The following ANKRD17 variants were observed in gnomAD, a reference collection of about 807,000 sequenced individuals.
ANKRD17 encodes the protein ankyrin repeat domain 17, also known as ankyrin repeat domain-containing protein 17.
ANKRD17 carries 19 observed loss-of-function variants against 229.7 expected under a neutral mutation model. The observed-to-expected ratio is 0.08, with a 90% CI of 0.06 to 0.12. ANKRD17 has a LOEUF of 0.12. Among genes scored for constraint, ANKRD17 ranks in the 10% least tolerant of loss-of-function variants. ANKRD17 has a pLI of 1.00. For synonymous variants in ANKRD17, 1,112 were observed against 1,146.1 expected (o/e 0.97, Z 0.60); for missense variants, 2,176 against 3,176.8 (o/e 0.68, Z 7.57).
rs777698246 is a variant in ANKRD17 at position 73,113,333 on chromosome 4, G to T, written c.4401+459C>A. 4.7e-6 allele frequency: 6 copies of T among 1,289,370 alleles called. No homozygotes were observed. In the South Asian group the frequency reaches 6.2e-5, roughly 13 times the overall value. 79.9% of individuals were successfully genotyped at this position (1,289,370 alleles called of 1,614,324 possible). A position where few individuals can be genotyped will look rare whatever the true frequency, so the allele number is the denominator to read the frequency against. On this transcript the variant is annotated intron_variant, in intron 24 of 33. Transcript: ENST00000358602. Reference sequence around the variant, plus strand: ...CTGCCTGAAAGAGAAAAGTACAAGAGAAGTCACCCATTTAAAAAGTGTACT... The same window carrying T: ...CTGCCTGAAAGAGAAAAGTACAAGATAAGTCACCCATTTAAAAAGTGTACT...
chr4:73,166,266 G>C (rs548685523), intron 2 of ANKRD17, among the ~76,000 whole-genome samples: 45 of 152,292 alleles, frequency 3.0e-4, no homozygotes, highest in African/African-American at 9.1e-4. Flanking sequence ...CCAAAGTATT[G>C]AAAATGAGAC....
chr4:73,198,606 A>T (rs1187649994), intron 1 of ANKRD17, among the ~76,000 whole-genome samples: 1 of 152,202 alleles, frequency 6.6e-6, no homozygotes, highest in Non-Finnish European at 1.5e-5. Flanking sequence ...CAACATTACT[A>T]TTTCAAGAAT....
intron 11 of ANKRD17, among the ~76,000 whole-genome samples, chr4:73,143,678 G>A (rs979785717): frequency 4.6e-5 from 7 of 152,148 alleles, no homozygotes; most frequent in Non-Finnish European, 7.4e-5. Flanking sequence ...TTGAGATTTC[G>A]TTACTATTAT....
intron 1 of ANKRD17, among the ~76,000 whole-genome samples, chr4:73,252,126 A>T (rs111584522): frequency 1.5e-4 from 23 of 152,238 alleles, no homozygotes; most frequent in African/African-American, 5.5e-4. Flanking sequence ...TACTACAGAG[A>T]TGGGACTTCA....
intron 1 of ANKRD17, among the ~76,000 whole-genome samples, chr4:73,229,247 C>T (rs1578469675): frequency 6.6e-6 from 1 of 152,008 alleles, no homozygotes; most frequent in African/African-American, 2.4e-5. Context: ...CAAACCTGCA[C>T]GTTGTGCACA....
chr4:73,171,352 G>A lies in ANKRD17; in HGVS notation c.547+6028C>T, dbSNP rs549849503. Among the ~76,000 whole-genome samples, 86 of 152,262 alleles carry A rather than the reference G, an allele frequency of 5.6e-4. 1 individual carries two copies. The South Asian group carries it at 0.016, about 29-fold the overall frequency. ...CTATGAATCCATAAAAAATCATAGC[G>A]ATACTGGGATTGGGGTGCACCCCAA... On this transcript the variant is annotated intron_variant, in intron 2 of 33. Transcript: ENST00000358602.
Position 73,258,742 on chromosome 4 carries a change from G to T in ANKRD17, c.-74C>A. On this transcript the variant is annotated 5_prime_UTR_variant, in exon 1 of 34. Transcript: ENST00000358602. Reference sequence around the variant, plus strand: ...GCTCTACCGCGACTTCGGCCGCACTGGGGCCGACACAGCAATCGGTGCCGC... The same window carrying T: ...GCTCTACCGCGACTTCGGCCGCACTTGGGCCGACACAGCAATCGGTGCCGC... 7.3e-7 allele frequency: 1 copy of T among 1,377,236 alleles called. No homozygotes were observed. Among genetic ancestry groups the T allele is most frequent in the Non-Finnish European group, 9.3e-7 (1 of 1,074,888 alleles). The allele number at this position is 1,377,236 out of a possible 1,614,324, so 85.3% of individuals were successfully genotyped here. A position where few individuals can be genotyped will look rare whatever the true frequency, so the allele number is the denominator to read the frequency against.
chr4:73,182,732 T>A (rs1735744994), intron 1 of ANKRD17, among the ~76,000 whole-genome samples: 1 of 152,206 alleles, frequency 6.6e-6, no homozygotes, highest in Non-Finnish European at 1.5e-5. Context: ...TAACTTCCAG[T>A]ACATGAAAAT....
intron 2 of ANKRD17, among the ~76,000 whole-genome samples, chr4:73,165,535 G>A (rs1473110046): frequency 1.3e-5 from 2 of 152,170 alleles, no homozygotes; most frequent in Non-Finnish European, 2.9e-5. Context: ...TGGCAGGTGT[G>A]TGTCTAATAA....
intron 2 of ANKRD17, among the ~76,000 whole-genome samples, chr4:73,172,519 C>T (rs555245514): frequency 6.6e-6 from 1 of 152,156 alleles, no homozygotes; most frequent in Non-Finnish European, 1.5e-5. Context: ...AATATTATAA[C>T]ACTGTACCTG....
At chr4:73,116,455 T>G (rs1355952871) in intron 22 of ANKRD17, among the ~76,000 whole-genome samples, 1 of 152,184 alleles carries the variant, frequency 6.6e-6, no homozygotes, top group Non-Finnish European at 1.5e-5. Context: ...TCTTTAGACT[T>G]GCCCTTTCCT....
intron 1 of ANKRD17, among the ~76,000 whole-genome samples, chr4:73,224,698 T>C (rs1297696653): frequency 6.6e-6 from 1 of 152,216 alleles, no homozygotes; most frequent in Admixed American, 6.5e-5. Flanking sequence ...TTCACAGTAA[T>C]CCTAAAACAT....
At chr4:73,085,582 C>T in intron 29 of ANKRD17, 136 bp from the exon 30 acceptor site, 1 of 774,640 alleles carries the variant, frequency 1.3e-6, no homozygotes, top group Non-Finnish European at 2.0e-6. Flanking sequence ...GGAGTGGTGG[C>T]CCACATCTGT....
chr4:73,177,679 C>A, intron 1 of ANKRD17, 146 bp from the exon 2 acceptor site: 1 of 586,510 alleles, frequency 1.7e-6, no homozygotes, highest in South Asian at 2.7e-5. Context: ...CTAAAAAGTT[C>A]AACATGACAT....
At chr4:73,182,361 T>G (rs1252237000) in intron 1 of ANKRD17, among the ~76,000 whole-genome samples, 2 of 152,128 alleles carry the variant, frequency 1.3e-5, no homozygotes, top group Non-Finnish European at 2.9e-5. Context: ...CAGGTTCAAT[T>G]CAGTGTTTAC....
chr4:73,200,530 TC>T (rs1482860063), intron 1 of ANKRD17, among the ~76,000 whole-genome samples: 1 of 151,948 alleles, frequency 6.6e-6, no homozygotes, highest in African/African-American at 2.4e-5. Context: ...TTTTTATAGC[TC>T]CCCAGGTGAT....
At chr4:73,119,383 G>C (rs1250929347) in intron 21 of ANKRD17, among the ~76,000 whole-genome samples, 2 of 152,210 alleles carry the variant, frequency 1.3e-5, no homozygotes, top group East Asian at 3.9e-4. Flanking sequence ...TATACAATTT[G>C]ACCATCCCTA....
intron 3 of ANKRD17, among the ~76,000 whole-genome samples, chr4:73,160,899 CAT>C (rs1242632908): frequency 6.6e-6 from 1 of 152,178 alleles, no homozygotes; most frequent in East Asian, 1.9e-4. Context: ...TCTTTTATAA[CAT>C]ATTGACTAGG....
At chr4:73,236,520 T>C (rs186595723) in intron 1 of ANKRD17, among the ~76,000 whole-genome samples, 8 of 152,242 alleles carry the variant, frequency 5.3e-5, no homozygotes, top group Non-Finnish European at 1.2e-4. Context: ...CCTCAAAAAC[T>C]CTATATCCCA....
Sources: allele counts gnomAD v4.1 joint callset (sites outside exome capture counted in the v4.1 genomes callset), GRCh38; gene constraint gnomAD v4.1.1; transcripts MANE v1.5; gene names NCBI Gene and HGNC (gene_info 2026-07-23, HGNC 2026-07-21).